CITED4: variants seen among roughly 807,000 people sequenced by gnomAD.
CITED4 encodes the protein cbp/p300-interacting transactivator 4.
CITED4 carries 3 observed loss-of-function variants against 3.3 expected under a neutral mutation model. That is an observed-to-expected ratio of 0.92 (90% CI 0.42 to 2.38). The LOEUF is 2.38. Ranked by LOEUF, CITED4 falls within the 30% of genes most tolerant of loss-of-function variation. The pLI, the probability that CITED4 is intolerant of heterozygous loss-of-function variation, is 0.05. For synonymous variants in CITED4, 167 were observed against 145.8 expected, an observed-to-expected ratio of 1.15 and a Z score of -1.05; for missense variants, 333 against 274.2, an observed-to-expected ratio of 1.21 and a Z score of -1.51.
At position 40,861,534 on chromosome 1, in the gene CITED4, T is replaced by C. The variant is rs1649372791; in HGVS notation, c.*39A>G. On this transcript the variant is annotated 3_prime_UTR_variant, in exon 1 of 1. Coordinates refer to ENST00000372638, the MANE Select transcript of CITED4 (RefSeq NM_133467.3). Reference sequence around the variant, plus strand: ...CAGGGTCCGGCGGGCAGTCGGGCCCTTTCTCCTCTCCGGCACGCCGGGCGG... The same window carrying C: ...CAGGGTCCGGCGGGCAGTCGGGCCCCTTCTCCTCTCCGGCACGCCGGGCGG... 3 of 1,321,004 alleles carry C rather than the reference T, an allele frequency of 2.3e-6. No homozygotes were observed. Among genetic ancestry groups the C allele is most frequent in the Non-Finnish European group, 2.9e-6 (3 of 1,029,574 alleles). 81.8% of individuals were successfully genotyped at this position (1,321,004 alleles called of 1,614,324 possible).
In CITED4 at chr1:40,861,597, C is replaced by T; in HGVS notation, c.531G>A (p.Pro177=). 3.4e-6 allele frequency: 5 copies of T among 1,460,228 alleles called. No homozygotes were observed. Among genetic ancestry groups the T allele is most frequent in the Non-Finnish European group, 4.5e-6 (5 of 1,108,926 alleles). 90.5% of individuals were successfully genotyped at this position (1,460,228 alleles called of 1,614,324 possible). ...CTCAGCAGCTCACGGAGCCGGCGGG[C>T]GGCGCGGACCCCAAGTCCGAGAAGC... ...FDCFSDLGSA[P]PAGSVSC is the part of the protein sequence containing the mutation. Residue 177 remains proline (P), a synonymous_variant, in exon 1 of 1, where the codon CCG becomes CCA. Coordinates refer to ENST00000372638, the MANE Select transcript of CITED4 (RefSeq NM_133467.3).
Position 40,862,148 on chromosome 1 carries a change from C to T in CITED4, c.-21G>A, listed in dbSNP as rs1649401282. ...GCCATGGCGGCAGGCCGGCTGCCTGCGGGGACAGCGCGCGGTGGTCAGCGC... is the reference window on the plus strand; with the variant it reads ...GCCATGGCGGCAGGCCGGCTGCCTGTGGGGACAGCGCGCGGTGGTCAGCGC... On this transcript the variant is annotated 5_prime_UTR_variant, in exon 1 of 1. Transcript: ENST00000372638. 3 of 1,245,410 alleles carry T rather than the reference C, an allele frequency of 2.4e-6. No individual in the cohort carries two copies. Among genetic ancestry groups the T allele is most frequent in the South Asian group, 2.8e-5 (1 of 36,336 alleles). The allele number at this position is 1,245,410 out of a possible 1,614,324, so 77.1% of individuals were successfully genotyped here.
At position 40,861,636 on chromosome 1, in the gene CITED4, C is replaced by T. The variant is rs767115192; in HGVS notation, c.492G>A (p.Gln164=). The T allele has an allele frequency of 1.7e-5, 25 of 1,504,484 alleles. No homozygotes were observed. The highest frequency in any genetic ancestry group is 1.8e-5 in the Non-Finnish European group (20 of 1,132,568). 93.2% of individuals were successfully genotyped at this position (1,504,484 alleles called of 1,614,324 possible). A position where few individuals can be genotyped will look rare whatever the true frequency, so the allele number is the denominator to read the frequency against. Reference sequence around the variant, plus strand: ...AGTCCGAGAAGCAGTCGAACTCGCTCTGGCCCAGGAAGAGCTCGGGCAGCT... The same window carrying T: ...AGTCCGAGAAGCAGTCGAACTCGCTTTGGCCCAGGAAGAGCTCGGGCAGCT... ...VRELPELFLG[Q]SEFDCFSDLG... is the part of the protein sequence containing the mutation. The change falls in exon 1 of 1, where the codon CAG becomes CAA. Residue 164 remains glutamine, a synonymous_variant. Transcript: ENST00000372638.
At position 40,862,179 on chromosome 1, in the gene CITED4, C is replaced by T; in HGVS notation, c.-52G>A. 1 of 1,127,768 alleles carries T rather than the reference C, an allele frequency of 8.9e-7. No individual in the cohort carries two copies. The highest frequency in any genetic ancestry group is 3.5e-4 in the Middle Eastern group (1 of 2,886). 69.9% of individuals were successfully genotyped at this position (1,127,768 alleles called of 1,614,324 possible). Reference sequence around the variant, plus strand: ...CAGCGCGCGGTGGTCAGCGCCGGCTCCCCCGGCCCGGGCCAGCGGCTGCTC... The same window carrying T: ...CAGCGCGCGGTGGTCAGCGCCGGCTTCCCCGGCCCGGGCCAGCGGCTGCTC... On this transcript the variant is annotated 5_prime_UTR_variant, in exon 1 of 1. Transcript: ENST00000372638.
Position 40,862,136 on chromosome 1 carries a change from G to A in CITED4, c.-9C>T. 1 of 1,271,832 alleles carries A rather than the reference G, an allele frequency of 7.9e-7. No homozygotes were observed. The allele number at this position is 1,271,832 out of a possible 1,614,324, so 78.8% of individuals were successfully genotyped here. A position where few individuals can be genotyped will look rare whatever the true frequency, so the allele number is the denominator to read the frequency against. On this transcript the variant is annotated 5_prime_UTR_variant, in exon 1 of 1. Transcript: ENST00000372638. Reference sequence around the variant, plus strand: ...ATCAGGTGGTCGGCCATGGCGGCAGGCCGGCTGCCTGCGGGGACAGCGCGC... The same window carrying A: ...ATCAGGTGGTCGGCCATGGCGGCAGACCGGCTGCCTGCGGGGACAGCGCGC...
Position 40,861,543 on chromosome 1 carries a change from T to G in CITED4, c.*30A>C, listed in dbSNP as rs916181387. The G allele has an allele frequency of 3.7e-6, 5 of 1,352,948 alleles. No individual in the cohort carries two copies. In the African/African-American group the frequency reaches 6.3e-5, roughly 17 times the overall value. The allele number at this position is 1,352,948 out of a possible 1,614,324, so 83.8% of individuals were successfully genotyped here. ...GCGGGCAGTCGGGCCCTTTCTCCTCTCCGGCACGCCGGGCGGGCGCCGGCC... is the reference window on the plus strand; with the variant it reads ...GCGGGCAGTCGGGCCCTTTCTCCTCGCCGGCACGCCGGGCGGGCGCCGGCC... On this transcript the variant is annotated 3_prime_UTR_variant, in exon 1 of 1. Transcript: ENST00000372638.
Position 40,862,103 on chromosome 1 carries a change from C to A in CITED4, c.25G>T (p.Glu9Ter), listed in dbSNP as rs1452600945. Residue 9 changes from glutamate (E) to a stop codon, truncating the protein, a stop_gained, in exon 1 of 1, where the codon GAG becomes TAG. Coordinates refer to ENST00000372638, the MANE Select transcript of CITED4 (RefSeq NM_133467.3). LOFTEE classifies it low-confidence loss of function (END_TRUNC). MADHLMLA[E>*]GYRLVQRPPS... The stretch of plus-strand genomic sequence containing the variant: ...GGCCTCTGCACCAGGCGGTAGCCCT[C>A]GGCGAGCATCAGGTGGTCGGCCATG... The A allele has an allele frequency of 3.1e-6, 4 of 1,307,212 alleles. No individual in the cohort carries two copies. The highest frequency in any genetic ancestry group is 3.9e-6 in the Non-Finnish European group (4 of 1,029,518). The allele number at this position is 1,307,212 out of a possible 1,614,324, so 81.0% of individuals were successfully genotyped here.
At position 40,861,715 on chromosome 1, in the gene CITED4, T is replaced by C. The variant is rs1399039736; in HGVS notation, c.413A>G (p.Asp138Gly). Residue 138 changes from aspartate to glycine, a missense_variant, in exon 1 of 1, where the codon GAC becomes GGC. By Grantham distance (94) the Asp-to-Gly change is moderately conservative. Coordinates refer to ENST00000372638, the MANE Select transcript of CITED4 (RefSeq NM_133467.3). ...CTCCAGCGACGTCAGCGCCTCCTCG[T>C]CGATGAGTTCGGCGTCCATGCCGCC... Reference protein sequence around the residue: ...ALGGMDAELIDEEALTSLELE... With the variant: ...ALGGMDAELIGEEALTSLELE... 1.4e-6 allele frequency: 2 copies of C among 1,458,616 alleles called. No individual in the cohort carries two copies. Among genetic ancestry groups the C allele is most frequent in the African/African-American group, 2.9e-5 (2 of 67,822 alleles). 90.4% of individuals were successfully genotyped at this position (1,458,616 alleles called of 1,614,324 possible).
chr1:40,861,911 A>G lies in CITED4; in HGVS notation c.217T>C (p.Phe73Leu). Residue 73 changes from phenylalanine to leucine, a missense_variant, in exon 1 of 1, where the codon TTC becomes CTC. Phe to Leu is a conservative substitution (Grantham distance 22, BLOSUM62 0). Coordinates refer to ENST00000372638, the MANE Select transcript of CITED4 (RefSeq NM_133467.3). ...AYGAFGPPSS[F>L]QPFPAVPPPA... ...GGAGGCACGGCCGGAAAGGGCTGGAAGGAGGACGGCGGCCCGAAGGCCCCG... is the reference window on the plus strand; with the variant it reads ...GGAGGCACGGCCGGAAAGGGCTGGAGGGAGGACGGCGGCCCGAAGGCCCCG... 8.0e-7 allele frequency: 1 copy of G among 1,256,660 alleles called. No homozygotes were observed. Among genetic ancestry groups the G allele is most frequent in the Non-Finnish European group, 1.0e-6 (1 of 996,262 alleles). 77.8% of individuals were successfully genotyped at this position (1,256,660 alleles called of 1,614,324 possible).
rs1057024749 is a variant in CITED4, at chr1:40,862,341, C to G, written c.-214G>C. The G allele has an allele frequency of 3.0e-6, 1 of 329,896 alleles. No homozygotes were observed. The highest frequency in any genetic ancestry group is 4.5e-5 in the East Asian group (1 of 22,042). 20.4% of individuals were successfully genotyped at this position (329,896 alleles called of 1,614,324 possible). A position where few individuals can be genotyped will look rare whatever the true frequency, so the allele number is the denominator to read the frequency against. Reference sequence around the variant, plus strand: ...GCCTGGGGTCACAAAGGCCCGCAACCTGTAGTGCTCCGAAACCTCCGCGTC... The same window carrying G: ...GCCTGGGGTCACAAAGGCCCGCAACGTGTAGTGCTCCGAAACCTCCGCGTC... On this transcript the variant is annotated 5_prime_UTR_variant, in exon 1 of 1. Coordinates refer to ENST00000372638, the MANE Select transcript of CITED4 (RefSeq NM_133467.3).
chr1:40,861,654 G>C lies in CITED4; in HGVS notation c.474C>G (p.Pro158=), dbSNP rs777307773. 5.3e-6 allele frequency: 8 copies of C among 1,503,454 alleles called. No homozygotes were observed. The Admixed American group carries it at 1.2e-4, about 23-fold the overall frequency. The allele number at this position is 1,503,454 out of a possible 1,614,324, so 93.1% of individuals were successfully genotyped here. ...ELGLHRVREL[P]ELFLGQSEFD... is the part of the protein sequence containing the mutation. The stretch of plus-strand genomic sequence containing the variant: ...ACTCGCTCTGGCCCAGGAAGAGCTC[G>C]GGCAGCTCGCGCACGCGGTGCAGCC... The change falls in exon 1 of 1, where the codon CCC becomes CCG. Residue 158 remains proline, a synonymous_variant. Coordinates refer to ENST00000372638, the MANE Select transcript of CITED4 (RefSeq NM_133467.3).
Position 40,861,678 on chromosome 1 carries a change from C to A in CITED4, c.450G>T (p.Gly150=). 6.7e-7 allele frequency: 1 copy of A among 1,496,414 alleles called. No homozygotes were observed. The highest frequency in any genetic ancestry group is 8.9e-7 in the Non-Finnish European group (1 of 1,125,582). 92.7% of individuals were successfully genotyped at this position (1,496,414 alleles called of 1,614,324 possible). A position where few individuals can be genotyped will look rare whatever the true frequency, so the allele number is the denominator to read the frequency against. The change falls in exon 1 of 1, where the codon GGG becomes GGT. Residue 150 remains glycine, a synonymous_variant. Transcript: ENST00000372638. ...CGGGCAGCTCGCGCACGCGGTGCAG[C>A]CCGAGCTCCAGCTCCAGCGACGTCA... The part of the protein sequence containing the change: ...EALTSLELEL[G]LHRVRELPEL...
chr1:40,862,246 G>C lies in CITED4; in HGVS notation c.-119C>G, dbSNP rs1649404345. 5.4e-6 allele frequency: 3 copies of C among 553,620 alleles called. No individual in the cohort carries two copies. The African/African-American group carries it at 6.0e-5, about 11-fold the overall frequency. 34.3% of individuals were successfully genotyped at this position (553,620 alleles called of 1,614,324 possible). On this transcript the variant is annotated 5_prime_UTR_variant, in exon 1 of 1. Coordinates refer to ENST00000372638, the MANE Select transcript of CITED4 (RefSeq NM_133467.3). ...GGCACCGTGCGGTCCCTGCAGCTCG[G>C]CCGGGCGGAGCAAAACCAAACCCGA...
Position 40,862,324 on chromosome 1 carries a change from T to A in CITED4, c.-197A>T. 1 of 338,998 alleles carries A rather than the reference T, an allele frequency of 2.9e-6. No homozygotes were observed. 21.0% of individuals were successfully genotyped at this position (338,998 alleles called of 1,614,324 possible). A position where few individuals can be genotyped will look rare whatever the true frequency, so the allele number is the denominator to read the frequency against. Reference sequence around the variant, plus strand: ...CGCACCTTGCGGCCGCAGCCTGGGGTCACAAAGGCCCGCAACCTGTAGTGC... The same window carrying A: ...CGCACCTTGCGGCCGCAGCCTGGGGACACAAAGGCCCGCAACCTGTAGTGC... On this transcript the variant is annotated 5_prime_UTR_variant, in exon 1 of 1. Transcript: ENST00000372638.
Position 40,862,287 on chromosome 1 carries a change from A to T in CITED4, c.-160T>A. On this transcript the variant is annotated 5_prime_UTR_variant, in exon 1 of 1. Coordinates refer to ENST00000372638, the MANE Select transcript of CITED4 (RefSeq NM_133467.3). ...CCAAACCCGACTGGTGCCCCGGCCC[A>T]GCCCACTACTGCGCACCTTGCGGCC... 1 of 370,740 alleles carries T rather than the reference A, an allele frequency of 2.7e-6. No individual in the cohort carries two copies. The highest frequency in any genetic ancestry group is 4.7e-6 in the Non-Finnish European group (1 of 214,434). 23.0% of individuals were successfully genotyped at this position (370,740 alleles called of 1,614,324 possible).
At position 40,862,334 on chromosome 1, in the gene CITED4, C is replaced by T; in HGVS notation, c.-207G>A. 1 of 334,380 alleles carries T rather than the reference C, an allele frequency of 3.0e-6. No homozygotes were observed. The highest frequency in any genetic ancestry group is 4.5e-5 in the East Asian group (1 of 22,444). The allele number at this position is 334,380 out of a possible 1,614,324, so 20.7% of individuals were successfully genotyped here. On this transcript the variant is annotated 5_prime_UTR_variant, in exon 1 of 1. Transcript: ENST00000372638. ...GGCCGCAGCCTGGGGTCACAAAGGC[C>T]CGCAACCTGTAGTGCTCCGAAACCT...
rs1448111468 is a variant in CITED4 at position 40,862,275 on chromosome 1, G to C, written c.-148C>G. 4 of 399,260 alleles carry C rather than the reference G, an allele frequency of 1.0e-5. 1 individual carries two copies. The Admixed American group carries it at 1.4e-4, about 14-fold the overall frequency. 24.7% of individuals were successfully genotyped at this position (399,260 alleles called of 1,614,324 possible). On this transcript the variant is annotated 5_prime_UTR_variant, in exon 1 of 1. Coordinates refer to ENST00000372638, the MANE Select transcript of CITED4 (RefSeq NM_133467.3). ...GGCGGAGCAAAACCAAACCCGACTG[G>C]TGCCCCGGCCCAGCCCACTACTGCG... is the stretch of plus-strand genomic sequence containing the variant.
chr1:40,861,918 C>T lies in CITED4; in HGVS notation c.210G>A (p.Pro70=). 1 of 1,253,850 alleles carries T rather than the reference C, an allele frequency of 8.0e-7. No individual in the cohort carries two copies. Among genetic ancestry groups the T allele is most frequent in the Non-Finnish European group, 1.0e-6 (1 of 995,968 alleles). The allele number at this position is 1,253,850 out of a possible 1,614,324, so 77.7% of individuals were successfully genotyped here. ...CGGCCGGAAAGGGCTGGAAGGAGGA[C>T]GGCGGCCCGAAGGCCCCGTACGCCA... ...GALAYGAFGP[P]SSFQPFPAVP... The change falls in exon 1 of 1, where the codon CCG becomes CCA. Residue 70 remains proline, a synonymous_variant. Transcript: ENST00000372638.
chr1:40,861,399 G>A lies in CITED4; in HGVS notation c.*174C>T, dbSNP rs1238450237. The A allele has an allele frequency of 1.4e-5, 5 of 354,186 alleles. No individual in the cohort carries two copies. The East Asian group carries it at 2.2e-4, about 15-fold the overall frequency. The allele number at this position is 354,186 out of a possible 1,614,324, so 21.9% of individuals were successfully genotyped here. On this transcript the variant is annotated 3_prime_UTR_variant, in exon 1 of 1. Coordinates refer to ENST00000372638, the MANE Select transcript of CITED4 (RefSeq NM_133467.3). ...GTGAAGCCAAACTGTCCTCCCGCAG[G>A]AGGCAAGGCCTGGAGGGACGCCAGG... is the stretch of plus-strand genomic sequence containing the variant.
Sources: gnomAD v4.1 joint callset for allele counts on GRCh38, gnomAD v4.1.1 for gene constraint, MANE v1.5 for transcripts, NCBI Gene and HGNC (gene_info 2026-07-23, HGNC 2026-07-21) for gene names.